The following LOC400499 variants were observed in gnomAD, a reference collection of about 807,000 sequenced individuals.
the LOC400499 span, among the ~76,000 whole-genome samples, chr16:11,478,259 C>T: frequency 6.6e-6 from 1 of 151,762 alleles, no homozygotes. Flanking sequence ...AACTCCTGAT[C>T]TCAGGTGATC....
the LOC400499 span, chr16:11,500,927 G>A: frequency 1.5e-4 from 58 of 399,092 alleles, no homozygotes; most frequent in African/African-American, 1.1e-3. Context: ...GGCCCACACA[G>A]TGCTCCGTCC....
the LOC400499 span, chr16:11,447,967 G>C: frequency 3.3e-6 from 5 of 1,536,018 alleles, no homozygotes; most frequent in Non-Finnish European, 4.4e-6. Context: ...CCGGTACAAT[G>C]TCCTGTCTTG....
the LOC400499 span, among the ~76,000 whole-genome samples, chr16:11,491,386 C>A: frequency 6.6e-6 from 1 of 152,136 alleles, no homozygotes; most frequent in Non-Finnish European, 1.5e-5. Context: ...GTGTCGTGAT[C>A]TGGCCAGAGC....
chr16:11,499,297 A>G, the LOC400499 span, among the ~76,000 whole-genome samples: 123 of 12,620 alleles, frequency 9.7e-3, 6 homozygotes, highest in Non-Finnish European at 0.012. Context: ...GAAGGGAGGC[A>G]GAGGGGAGGG....
chr16:11,424,346 T>C, the LOC400499 span: 1 of 399,676 alleles, frequency 2.5e-6, no homozygotes, highest in Admixed American at 4.4e-5. Flanking sequence ...AGGGGAGTCC[T>C]GGGGGAAGAG....
chr16:11,493,529 A>C, the LOC400499 span: 1 of 389,552 alleles, frequency 2.6e-6, no homozygotes, highest in Non-Finnish European at 4.5e-6. Flanking sequence ...AGCCCACAGT[A>C]GGTGCTCATT....
At chr16:11,465,691 T>C in the LOC400499 span, among the ~76,000 whole-genome samples, 3 of 151,792 alleles carry the variant, frequency 2.0e-5, no homozygotes, top group African/African-American at 7.3e-5. Context: ...GAGGATCGCT[T>C]GAGCCCAGGG....
the LOC400499 span, chr16:11,414,353 A>C: frequency 2.5e-6 from 1 of 399,382 alleles, no homozygotes; most frequent in African/African-American, 2.1e-5. Flanking sequence ...TGGTTGGTGA[A>C]GGGCAGGCCC....
chr16:11,403,476 C>G, the LOC400499 span, among the ~76,000 whole-genome samples: 1 of 151,734 alleles, frequency 6.6e-6, no homozygotes, highest in Non-Finnish European at 1.5e-5. Flanking sequence ...CACACATGAG[C>G]ACACATACAC....
At chr16:11,413,284 C>T in the LOC400499 span, among the ~76,000 whole-genome samples, 2 of 152,312 alleles carry the variant, frequency 1.3e-5, no homozygotes, top group African/African-American at 4.8e-5. Context: ...ACAGGGTATC[C>T]AGTCCACTCA....
the LOC400499 span, among the ~76,000 whole-genome samples, chr16:11,523,963 G>A: frequency 1.1e-3 from 48 of 45,222 alleles, no homozygotes; most frequent in Admixed American, 2.7e-3. Context: ...CCACCCACCC[G>A]CTCCCCTCTC....
the LOC400499 span, among the ~76,000 whole-genome samples, chr16:11,462,672 C>T: frequency 6.6e-6 from 1 of 152,178 alleles, no homozygotes; most frequent in Non-Finnish European, 1.5e-5. Context: ...ATCCACCCGC[C>T]CTGGCCTTCC....
chr16:11,496,673 T>C, the LOC400499 span, among the ~76,000 whole-genome samples: 1 of 152,136 alleles, frequency 6.6e-6, no homozygotes, highest in East Asian at 1.9e-4. Context: ...CAGGTGCGTG[T>C]GTGTGTACTG....
chr16:11,412,442 T>C, the LOC400499 span, among the ~76,000 whole-genome samples: 2 of 152,192 alleles, frequency 1.3e-5, no homozygotes, highest in African/African-American at 2.4e-5. Flanking sequence ...GGTCTACCCC[T>C]TCAACAAGTG....
chr16:11,396,758 C>CA, the LOC400499 span: 1 of 1,124,970 alleles, frequency 8.9e-7, no homozygotes, highest in African/African-American at 1.6e-5. Context: ...GAGAATGCAG[C>CA]AGCAGCTGCC....
the LOC400499 span, among the ~76,000 whole-genome samples, chr16:11,442,980 C>T: frequency 1.3e-5 from 2 of 152,170 alleles, no homozygotes; most frequent in Admixed American, 1.3e-4. Flanking sequence ...GGTCTCAATG[C>T]TCAACAGCTG....
the LOC400499 span, among the ~76,000 whole-genome samples, chr16:11,455,823 TTTTATAAACTTTAATCTTTTAGATTAAAC>T: frequency 1.1e-4 from 16 of 151,878 alleles, no homozygotes; most frequent in Admixed American, 9.8e-4. Context: ...TTTAATCAAC[TTTTATAAACTTTAATCTTTTAGATTAAAC>T]TTTATAAACT....
chr16:11,498,530 G>A, the LOC400499 span, among the ~76,000 whole-genome samples: 18 of 148,018 alleles, frequency 1.2e-4, no homozygotes, highest in African/African-American at 2.8e-4. Context: ...AAATTAATCC[G>A]AAATTAAAAG....
At chr16:11,439,706 C>G in the LOC400499 span, 2 of 395,752 alleles carry the variant, frequency 5.1e-6, no homozygotes, top group East Asian at 7.2e-5. Flanking sequence ...AACTTCTGTC[C>G]TCCCTTAATA....
Sources: allele counts gnomAD v4.1 joint callset (sites outside exome capture counted in the v4.1 genomes callset), GRCh38; gene constraint gnomAD v4.1.1; transcripts MANE v1.5.